The following LTBP1 variants were observed in gnomAD, a reference collection of about 807,000 sequenced individuals.
LTBP1 encodes the protein latent transforming growth factor beta binding protein 1.
Under a neutral mutation model 207.6 loss-of-function variants are expected in LTBP1, and 129 were observed. The ratio of observed to expected loss-of-function variants is 0.62; its 90% CI spans 0.54 to 0.72. The LOEUF (loss-of-function observed/expected upper bound fraction) is 0.72. LTBP1 is among the 30% of genes least tolerant of loss of function. The pLI is 0.00. For synonymous variants in LTBP1, 963 were observed against 833.7 expected (o/e 1.16, Z -2.67); for missense variants, 2,281 against 2,217.2 (o/e 1.03, Z -0.58).
chr2:33,212,547 C>T (rs370796897), intron 7 of LTBP1, among the ~76,000 whole-genome samples: 4 of 152,154 alleles, frequency 2.6e-5, no homozygotes, highest in Non-Finnish European at 4.4e-5. Context: ...TTGCAGAAAT[C>T]GTAAAGGTCA....
chr2:33,293,176 G>A lies in LTBP1; in HGVS notation c.3129G>A (p.Leu1043=). The A allele has an allele frequency of 1.2e-6, 2 of 1,613,454 alleles. No individual in the cohort carries two copies. The highest frequency in any genetic ancestry group is 1.7e-6 in the Non-Finnish European group (2 of 1,179,788). The change falls in exon 20 of 34, where the codon CTG becomes CTA. Residue 1043 remains leucine (L), a synonymous_variant. Coordinates refer to ENST00000404816, the MANE Select transcript of LTBP1 (RefSeq NM_206943.4). ...NGQCLDVDEC[L]EPNVCANGDC... ...TTCTTCAAGATGTGGACGAGTGCCT[G>A]GAACCAAACGTCTGCGCAAATGGTG...
intron 3 of LTBP1, among the ~76,000 whole-genome samples, chr2:33,105,157 A>C (rs1339129606): frequency 6.6e-6 from 1 of 152,268 alleles, no homozygotes; most frequent in Non-Finnish European, 1.5e-5. Context: ...CAAAGTCATC[A>C]TAGGCACACT....
At chr2:33,191,964 C>G (rs567984453) in intron 7 of LTBP1, among the ~76,000 whole-genome samples, 1 of 152,192 alleles carries the variant, frequency 6.6e-6, no homozygotes, top group South Asian at 2.1e-4. Context: ...GAACTGTGAT[C>G]AACGTATTTA....
Position 33,116,391 on chromosome 2 carries a change from C to T in LTBP1, c.1033+5640C>T, listed in dbSNP as rs1056250176. Among the ~76,000 whole-genome samples the T allele has an allele frequency of 2.0e-5, 3 of 152,216 alleles. No individual in the cohort carries two copies. The South Asian group carries it at 6.2e-4, about 32-fold the overall frequency. On this transcript the variant is annotated intron_variant, in intron 4 of 33. Transcript: ENST00000404816. ...TAAATTCAACAAGGCAGAAATTTTA[C>T]GTTTTAGGCATGGCAGATGTCATGT...
chr2:32,959,040 CTGTGGCT>C (rs1175510235), intron 2 of LTBP1, among the ~76,000 whole-genome samples: 1 of 152,220 alleles, frequency 6.6e-6, no homozygotes, highest in African/African-American at 2.4e-5. Flanking sequence ...ACACTATTCC[CTGTGGCT>C]TTTTTACTCC....
intron 3 of LTBP1, among the ~76,000 whole-genome samples, chr2:33,077,471 A>T (rs1352638112): frequency 6.6e-6 from 1 of 152,184 alleles, no homozygotes; most frequent in African/African-American, 2.4e-5. Flanking sequence ...CTCGTGGCAG[A>T]AGGCAAAGTC....
At chr2:33,022,947 C>G (rs219201) in intron 3 of LTBP1, among the ~76,000 whole-genome samples, 136,116 of 152,196 alleles carry the variant, frequency 0.89, 62,519 homozygotes, top group East Asian at 1. Context: ...TCCTTAACTT[C>G]TGGGCCATAG....
intron 11 of LTBP1, 49 bp from the exon 12 acceptor site, chr2:33,257,235 T>C: frequency 1.4e-6 from 2 of 1,388,030 alleles, no homozygotes; most frequent in Non-Finnish European, 2.0e-6. Context: ...TCTGTATAAG[T>C]TTGCACTGTT....
At chr2:33,042,842 C>T (rs2076257368) in intron 3 of LTBP1, among the ~76,000 whole-genome samples, 2 of 152,078 alleles carry the variant, frequency 1.3e-5, no homozygotes, top group Admixed American at 6.5e-5. Flanking sequence ...AAATATTTGG[C>T]TGATTATGTA....
intron 5 of LTBP1, among the ~76,000 whole-genome samples, chr2:33,158,453 A>G (rs967794168): frequency 7.2e-5 from 11 of 152,128 alleles, no homozygotes; most frequent in African/African-American, 2.4e-4. Context: ...TGGACATCAC[A>G]GTTCTGTGCC....
At chr2:33,092,765 C>T (rs1353656868) in intron 3 of LTBP1, among the ~76,000 whole-genome samples, 3 of 152,194 alleles carry the variant, frequency 2.0e-5, no homozygotes, top group Non-Finnish European at 2.9e-5. Flanking sequence ...CCATTGCTCT[C>T]GAACTCTGCA....
chr2:33,182,409 T>A (rs1251866997), intron 5 of LTBP1, among the ~76,000 whole-genome samples: 2 of 151,966 alleles, frequency 1.3e-5, no homozygotes, highest in African/African-American at 4.8e-5. Flanking sequence ...ACACCTGTAA[T>A]CTCAGCACTT....
At chr2:33,308,247 C>T (rs535619849) in intron 22 of LTBP1, among the ~76,000 whole-genome samples, 16 of 152,308 alleles carry the variant, frequency 1.1e-4, no homozygotes, top group East Asian at 5.8e-4. Context: ...CGCATTCATG[C>T]GGTGAAGGGG....
Position 33,360,638 on chromosome 2 carries a change from G to C in LTBP1, c.4042G>C (p.Glu1348Gln). 6.2e-7 allele frequency: 1 copy of C among 1,613,804 alleles called. No homozygotes were observed. The highest frequency in any genetic ancestry group is 8.5e-7 in the Non-Finnish European group (1 of 1,179,756). ...DVDQPKEEKK[E>Q]CYYNLNDASL... ...AGATCAACCCAAAGAAGAAAAGAAAGAATGCTACTATAATCTCAATGACGC... is the reference window on the plus strand; with the variant it reads ...AGATCAACCCAAAGAAGAAAAGAAACAATGCTACTATAATCTCAATGACGC... Residue 1348 changes from glutamate to glutamine, a missense_variant, in exon 27 of 34, where the codon GAA becomes CAA. Physicochemically the swap from Glu to Gln is conservative, Grantham distance 29. This residue lies in a region of LTBP1 where 1,671 missense variants were observed against 1,634.8 expected (regional missense o/e 1.02). Transcript: ENST00000404816.
chr2:33,390,558 A>G lies in LTBP1; in HGVS notation c.4834+1252A>G, dbSNP rs139400813. Among the ~76,000 whole-genome samples, 822 of 151,682 alleles carry G rather than the reference A, an allele frequency of 5.4e-3. 9 individuals carry two copies. Among genetic ancestry groups the G allele is most frequent in the African/African-American group, 0.019 (782 of 41,344 alleles). On this transcript the variant is annotated intron_variant, in intron 32 of 33. Transcript: ENST00000404816. ...GGCTGGAGTGCAGTGCCATGATCAC[A>G]GCTCACTGCAACTCTGCCTCCTGGG... is the stretch of plus-strand genomic sequence containing the variant.
intron 5 of LTBP1, among the ~76,000 whole-genome samples, chr2:33,137,350 C>T (rs2082225500): frequency 6.6e-6 from 1 of 152,172 alleles, no homozygotes; most frequent in South Asian, 2.1e-4. Flanking sequence ...CACTTGTCAG[C>T]TACTCCCTTT....
chr2:33,307,472 C>T (rs2094116556), intron 22 of LTBP1, among the ~76,000 whole-genome samples: 1 of 152,190 alleles, frequency 6.6e-6, no homozygotes, highest in Non-Finnish European at 1.5e-5. Flanking sequence ...CAGAGAACTA[C>T]TGATACACAC....
Position 32,990,628 on chromosome 2 carries a change from T to C in LTBP1, c.566-30281T>C, listed in dbSNP as rs916320249. On this transcript the variant is annotated intron_variant, in intron 2 of 33. Coordinates refer to ENST00000404816, the MANE Select transcript of LTBP1 (RefSeq NM_206943.4). ...TGGATGCTTTTCATATAGTTTCTAA[T>C]GAATGTTTGATAAACTGTTAAATAA... Among the ~76,000 whole-genome samples, 99 of 152,230 alleles carry C rather than the reference T, an allele frequency of 6.5e-4. 3 individuals carry two copies. The highest frequency in any genetic ancestry group is 1.8e-4 in the Non-Finnish European group (12 of 68,048).
At chr2:33,245,734 T>C (rs2092487729) in intron 10 of LTBP1, among the ~76,000 whole-genome samples, 1 of 152,242 alleles carries the variant, frequency 6.6e-6, no homozygotes, top group South Asian at 2.1e-4. Flanking sequence ...TGAATAAATA[T>C]GTTAAATCAT....
Sources: allele counts gnomAD v4.1 joint callset (sites outside exome capture counted in the v4.1 genomes callset), GRCh38; gene constraint gnomAD v4.1.1; regional missense constraint gnomAD v4.1.1; transcripts MANE v1.5; gene names NCBI Gene and HGNC (gene_info 2026-07-23, HGNC 2026-07-21).